The following METTL9 variants were observed in gnomAD, a reference collection of about 807,000 sequenced individuals.
METTL9 encodes the protein protein-L-histidine N-pros-methyltransferase.
METTL9 carries 10 observed loss-of-function variants against 36.0 expected under a neutral mutation model. The ratio of observed to expected loss-of-function variants is 0.28; its 90% CI spans 0.17 to 0.47. The LOEUF is 0.47. Ranked by LOEUF, METTL9 falls within the 20% of genes least tolerant of loss-of-function variation. The pLI is 0.99. For missense variants in METTL9, 246 were observed against 383.5 expected, an observed-to-expected ratio of 0.64 and a Z score of 3.00; for synonymous variants, 175 against 149.7, an observed-to-expected ratio of 1.17 and a Z score of -1.23.
chr16:21,647,040 T>G (rs1164011648), intron 4 of METTL9: 2 of 1,549,474 alleles, frequency 1.3e-6, no homozygotes, highest in Non-Finnish European at 1.8e-6. Context: ...CTTAGCAAAT[T>G]TATCTCCTGA....
chr16:21,614,073 C>G (rs1440616392), intron 2 of METTL9, among the ~76,000 whole-genome samples: 1 of 152,098 alleles, frequency 6.6e-6, no homozygotes, highest in Admixed American at 6.6e-5. Flanking sequence ...AGCCATTTCT[C>G]AAGATTTCTC....
intron 4 of METTL9, among the ~76,000 whole-genome samples, chr16:21,636,938 G>C (rs1208151544): frequency 6.6e-6 from 1 of 152,176 alleles, no homozygotes; most frequent in Non-Finnish European, 1.5e-5. Flanking sequence ...AGTCCCATCT[G>C]GGTCGCCAAA....
chr16:21,605,238 G>A lies in METTL9; in HGVS notation c.165+5340G>A, dbSNP rs922607358. Among the ~76,000 whole-genome samples, 7 of 125,054 alleles carry A rather than the reference G, an allele frequency of 5.6e-5. 1 individual carries two copies. In the Middle Eastern group the frequency reaches 0.019, roughly 331 times the overall value. 82.0% of individuals were successfully genotyped at this position (125,054 alleles called of 152,430 possible). On this transcript the variant is annotated intron_variant, in intron 1 of 4. Transcript: ENST00000358154. ...TAAACCTTGTGTTGTCTGAGGGGTGGTAAAAATAGGCTTGCCTTCTTTTTT... is the reference window on the plus strand; with the variant it reads ...TAAACCTTGTGTTGTCTGAGGGGTGATAAAAATAGGCTTGCCTTCTTTTTT...
chr16:21,627,360 G>T, intron 4 of METTL9: 1 of 985,054 alleles, frequency 1.0e-6, no homozygotes, highest in South Asian at 4.7e-5. Context: ...TTGGTAAATG[G>T]CTTGAAGTTG....
chr16:21,626,325 A>G (rs148322059), intron 4 of METTL9, among the ~76,000 whole-genome samples: 50 of 152,358 alleles, frequency 3.3e-4, no homozygotes, highest in Non-Finnish European at 5.9e-4. Context: ...ATTATCAAAT[A>G]TGAAAATCTA....
chr16:21,598,716 G>C (rs945194963), upstream of METTL9, among the ~76,000 whole-genome samples: 2 of 152,086 alleles, frequency 1.3e-5, no homozygotes, highest in Admixed American at 1.3e-4. Context: ...TAAATATCCG[G>C]GTTAAACACT....
intron 2 of METTL9, among the ~76,000 whole-genome samples, chr16:21,615,809 A>G (rs1965542088): frequency 6.6e-6 from 1 of 152,184 alleles, no homozygotes; most frequent in Non-Finnish European, 1.5e-5. Flanking sequence ...AATTTTGTAC[A>G]GCTACTTCAG....
At chr16:21,609,611 G>A (rs573664291) in intron 1 of METTL9, among the ~76,000 whole-genome samples, 6 of 152,180 alleles carry the variant, frequency 3.9e-5, no homozygotes, top group Non-Finnish European at 7.4e-5. Context: ...GGAAATGTTG[G>A]GGGGCAGAGC....
rs781283921 is a variant in METTL9 at position 21,599,907 on chromosome 16, TGGGGCC to T, written c.165+21_165+26del. 7.1e-7 allele frequency: 1 copy of T among 1,405,342 alleles called. No individual in the cohort carries two copies. The highest frequency in any genetic ancestry group is 9.3e-7 in the Non-Finnish European group (1 of 1,080,666). 87.1% of individuals were successfully genotyped at this position (1,405,342 alleles called of 1,614,324 possible). On this transcript the variant is annotated intron_variant, in intron 1 of 4. Coordinates refer to ENST00000358154, the MANE Select transcript of METTL9 (RefSeq NM_016025.5). This position sits in a 1 kb window ranked among gnomAD's most constrained non-coding sequence, Gnocchi z 4.4. ...GGAAGGAGAACCACCAGGTACGGGC[TGGGGCC>T]GGGGCCGGGGCGGGGGCGTGGCGGC...
chr16:21,655,449 G>A lies in METTL9; in HGVS notation c.*17G>A. The stretch of plus-strand genomic sequence containing the variant: ...CCAGTATAAACACGTGGAGGTCGAA[G>A]TCTTCAGAGTCCGCACCCTCCGGGA... On this transcript the variant is annotated 3_prime_UTR_variant, in exon 5 of 5. Coordinates refer to ENST00000358154, the MANE Select transcript of METTL9 (RefSeq NM_016025.5). 1 of 1,605,810 alleles carries A rather than the reference G, an allele frequency of 6.2e-7. No individual in the cohort carries two copies. The highest frequency in any genetic ancestry group is 8.5e-7 in the Non-Finnish European group (1 of 1,173,366).
rs750864177 is a variant in METTL9, at chr16:21,610,072, C to T, written c.166-2573C>T. Among the ~76,000 whole-genome samples the T allele has an allele frequency of 8.9e-4, 136 of 152,182 alleles. 1 individual carries two copies. Among genetic ancestry groups the T allele is most frequent in the Middle Eastern group, 3.4e-3 (1 of 294 alleles). ...TTAGTATAATCACAGAATTATGCAGCCATCACCAGTATTAATTTTGGAACA... is the reference window on the plus strand; with the variant it reads ...TTAGTATAATCACAGAATTATGCAGTCATCACCAGTATTAATTTTGGAACA... On this transcript the variant is annotated intron_variant, in intron 1 of 4. Transcript: ENST00000358154.
chr16:21,647,482 G>T lies in METTL9; in HGVS notation c.752-7745G>T, dbSNP rs766260469. On this transcript the variant is annotated intron_variant, in intron 4 of 4. Coordinates refer to ENST00000358154, the MANE Select transcript of METTL9 (RefSeq NM_016025.5). Reference sequence around the variant, plus strand: ...GTTGTGTGACAGAGAGAGTACAGGCGCCCACAGCACCTGTGGGAGGAAGCA... The same window carrying T: ...GTTGTGTGACAGAGAGAGTACAGGCTCCCACAGCACCTGTGGGAGGAAGCA... The T allele has an allele frequency of 1.9e-6, 3 of 1,610,230 alleles. No individual in the cohort carries two copies. In the African/African-American group the frequency reaches 4.0e-5, roughly 22 times the overall value.
At chr16:21,647,796 T>G (rs1326658593) in intron 4 of METTL9, among the ~76,000 whole-genome samples, 1 of 152,088 alleles carries the variant, frequency 6.6e-6, no homozygotes, top group Non-Finnish European at 1.5e-5. Context: ...CTCAGAAGTT[T>G]GGGGTCCATC....
At chr16:21,618,403 A>G (rs180944759) in intron 3 of METTL9, among the ~76,000 whole-genome samples, 39 of 152,312 alleles carry the variant, frequency 2.6e-4, no homozygotes, top group African/African-American at 8.9e-4. Context: ...TGTTGTAACT[A>G]TTTTTAAGTG....
At chr16:21,599,549 A>T, upstream of METTL9, 12 of 1,277,496 alleles carry the variant, frequency 9.4e-6, no homozygotes, top group Non-Finnish European at 1.1e-5. The surrounding 1 kb of genome is among the most constrained non-coding windows in gnomAD (Gnocchi z 4.4). Flanking sequence ...GGGAAGGGGG[A>T]GGTGCCGAGG....
chr16:21,654,823 C>T (rs1966667418), intron 4 of METTL9: 2 of 170,970 alleles, frequency 1.2e-5, no homozygotes, highest in Non-Finnish European at 2.5e-5. Context: ...AACTGTCCTT[C>T]AGATATTACA....
At chr16:21,621,129 C>T (rs566699032) in intron 3 of METTL9, among the ~76,000 whole-genome samples, 1 of 151,828 alleles carries the variant, frequency 6.6e-6, no homozygotes, top group East Asian at 1.9e-4. Context: ...GCTACCATAT[C>T]TGGCTAATTT....
At chr16:21,636,172 C>G (rs1383200357) in intron 4 of METTL9, among the ~76,000 whole-genome samples, 2 of 152,140 alleles carry the variant, frequency 1.3e-5, no homozygotes, top group African/African-American at 4.8e-5. Context: ...AAGAGTGACA[C>G]CTTTTGTCCT....
intron 4 of METTL9, among the ~76,000 whole-genome samples, chr16:21,638,875 T>G (rs1362187607): frequency 6.6e-6 from 1 of 152,160 alleles, no homozygotes; most frequent in East Asian, 1.9e-4. Context: ...GGCCTTTGAT[T>G]GTATAGTGTA....
Sources: allele counts gnomAD v4.1 joint callset (sites outside exome capture counted in the v4.1 genomes callset), GRCh38; gene constraint gnomAD v4.1.1; non-coding constraint Gnocchi (gnomAD v3.1); transcripts MANE v1.5; gene names NCBI Gene and HGNC (gene_info 2026-07-23, HGNC 2026-07-21).